Variants in SCN10A observed in about 807,000 individuals in gnomAD.
The protein encoded by SCN10A is sodium channel protein type 10 subunit alpha.
A neutral mutation model predicts 170.7 loss-of-function variants in SCN10A; 162 were observed. The ratio of observed to expected loss-of-function variants is 0.95; its 90% CI spans 0.84 to 1.08. The LOEUF (loss-of-function observed/expected upper bound fraction) is 1.08. SCN10A is among the 50% of genes least tolerant of loss of function. The pLI is 0.00. For synonymous variants in SCN10A, 985 were observed against 904.6 expected (o/e 1.09, Z -1.59); for missense variants, 2,527 against 2,436.9 (o/e 1.04, Z -0.78).
chr3:38,739,536 A>G lies in SCN10A; in HGVS notation c.2259T>C (p.Ser753=), dbSNP rs1279363773. ...TTACCAAGCGGAAGCTCCGCAGCAC[A>G]GACAGGCTTCCCTTCTTGGCCACGC... ...ELGVAKKGSL[S]VLRSFRLLRV... is the part of the protein sequence containing the mutation. The change falls in exon 15 of 28, where the codon TCT becomes TCC. Residue 753 remains serine (S), a synonymous_variant. Coordinates refer to ENST00000449082, the MANE Select transcript of SCN10A (RefSeq NM_006514.4). 1 of 1,613,984 alleles carries G rather than the reference A, an allele frequency of 6.2e-7. No homozygotes were observed. The highest frequency in any genetic ancestry group is 8.5e-7 in the Non-Finnish European group (1 of 1,180,010).
At chr3:38,765,600 T>G (rs1274189101) in intron 5 of SCN10A, among the ~76,000 whole-genome samples, 1 of 152,178 alleles carries the variant, frequency 6.6e-6, no homozygotes. Context: ...ATCATGCTGT[T>G]TTGGTACAGG....
At chr3:38,792,339 G>T (rs900490466) in intron 2 of SCN10A, among the ~76,000 whole-genome samples, 171 bp from the exon 3 acceptor site, 1 of 152,048 alleles carries the variant, frequency 6.6e-6, no homozygotes, top group Non-Finnish European at 1.5e-5. Context: ...GAGGATCAAG[G>T]ACTAAAAGCC....
intron 8 of SCN10A, among the ~76,000 whole-genome samples, chr3:38,759,683 C>T (rs1001922908): frequency 1.2e-4 from 18 of 152,164 alleles, no homozygotes; most frequent in African/African-American, 1.9e-4. Context: ...CCAATGTTTA[C>T]GGTTGGGAGA....
chr3:38,715,485 C>T (rs2063325588), intron 21 of SCN10A, among the ~76,000 whole-genome samples: 1 of 152,232 alleles, frequency 6.6e-6, no homozygotes, highest in Admixed American at 6.5e-5. Context: ...GTCATATGGT[C>T]ACAACCTACT....
At chr3:38,792,559 T>C (rs2064296776) in intron 2 of SCN10A, among the ~76,000 whole-genome samples, 1 of 152,244 alleles carries the variant, frequency 6.6e-6, no homozygotes, top group African/African-American at 2.4e-5. Flanking sequence ...TTTGTAATGT[T>C]TCTTCTGTCT....
chr3:38,762,590 A>G (rs1404851172), intron 6 of SCN10A, among the ~76,000 whole-genome samples: 1 of 152,038 alleles, frequency 6.6e-6, no homozygotes. Flanking sequence ...GAGGTGAGAG[A>G]TGAGGCAGAA....
chr3:38,760,850 C>A lies in SCN10A; in HGVS notation c.884-103G>T, dbSNP rs562539996. The A allele has an allele frequency of 4.2e-6, 4 of 943,396 alleles. No homozygotes were observed. The African/African-American group carries it at 6.5e-5, about 15-fold the overall frequency. The allele number at this position is 943,396 out of a possible 1,614,324, so 58.4% of individuals were successfully genotyped here. The stretch of plus-strand genomic sequence containing the variant: ...TTCCCAAGTCTTCCAAAGTGAGCTC[C>A]TTTGGCTACATGTACTCAGTGGGCA... On this transcript the variant is annotated intron_variant, in intron 7 of 27. Coordinates refer to ENST00000449082, the MANE Select transcript of SCN10A (RefSeq NM_006514.4).
intron 12 of SCN10A, 104 bp from the exon 13 acceptor site, chr3:38,750,288 TG>T (rs1479158657): frequency 3.2e-6 from 2 of 622,016 alleles, no homozygotes; most frequent in East Asian, 5.6e-5. Context: ...TATAGTCATA[TG>T]TCACTTACAG....
chr3:38,755,722 C>T lies in SCN10A; in HGVS notation c.1461+66G>A. ...TCTCTGCCACACACCTCTTCCCACT[C>T]CAACTCATTGTCTACGGCAGCTGCA... is the stretch of plus-strand genomic sequence containing the variant. On this transcript the variant is annotated intron_variant, in intron 11 of 27. Coordinates refer to ENST00000449082, the MANE Select transcript of SCN10A (RefSeq NM_006514.4). 2.5e-6 allele frequency: 4 copies of T among 1,584,918 alleles called. No homozygotes were observed. The South Asian group carries it at 4.4e-5, about 18-fold the overall frequency.
Position 38,776,379 on chromosome 3 carries a change from G to A in SCN10A, c.471-4972C>T, listed in dbSNP as rs73064534. ...TGTTATGCTTCAGAAAACCACTTTC[G>A]AAGTGATGACTCTTTTTTTTGAATT... is the stretch of plus-strand genomic sequence containing the variant. On this transcript the variant is annotated intron_variant, in intron 4 of 27. Transcript: ENST00000449082. Among the ~76,000 whole-genome samples the A allele has an allele frequency of 2.7e-3, 412 of 151,978 alleles. 1 individual carries two copies. The highest frequency in any genetic ancestry group is 3.1e-3 in the Non-Finnish European group (209 of 67,878).
At chr3:38,796,453 T>A (rs2064342215) in intron 1 of SCN10A, among the ~76,000 whole-genome samples, 1 of 152,154 alleles carries the variant, frequency 6.6e-6, no homozygotes, top group South Asian at 2.1e-4. Flanking sequence ...AGTGGCCAAA[T>A]GATATTTCTA....
chr3:38,740,696 G>A (rs1371351366), intron 14 of SCN10A, among the ~76,000 whole-genome samples: 1 of 152,152 alleles, frequency 6.6e-6, no homozygotes, highest in Non-Finnish European at 1.5e-5. Flanking sequence ...TCATGTGAGG[G>A]TGATGTTAAC....
chr3:38,762,407 G>A (rs2063884433), intron 6 of SCN10A, among the ~76,000 whole-genome samples: 1 of 152,184 alleles, frequency 6.6e-6, no homozygotes, highest in Admixed American at 6.5e-5. Flanking sequence ...GGGAAAACCA[G>A]GGAGGAGGTA....
intron 3 of SCN10A, among the ~76,000 whole-genome samples, chr3:38,791,304 C>T (rs2064277988): frequency 6.6e-6 from 1 of 152,164 alleles, no homozygotes; most frequent in Non-Finnish European, 1.5e-5. Context: ...GGAAACCAAA[C>T]CAAAGTATCT....
chr3:38,726,401 T>A (rs1342222524), intron 17 of SCN10A, among the ~76,000 whole-genome samples: 1 of 152,232 alleles, frequency 6.6e-6, no homozygotes, highest in Non-Finnish European at 1.5e-5. Flanking sequence ...GCTCACCTGC[T>A]GCCCCCCACT....
In SCN10A at chr3:38,742,452, G is replaced by A. The variant is rs747848559; in HGVS notation, c.1945C>T (p.Pro649Ser). 3 of 1,614,024 alleles carry A rather than the reference G, an allele frequency of 1.9e-6. No homozygotes were observed. The African/African-American group carries it at 4.0e-5, about 22-fold the overall frequency. The stretch of plus-strand genomic sequence containing the variant: ...ATTGTCTTGAGCTTCACCCACATGG[G>A]GCAGCAATCCCAGATCAGATACTTC... ...SQKYLIWDCC[P>S]MWVKLKTILF... The change falls in exon 14 of 28, where the codon CCC (proline) becomes TCC (serine). Residue 649 changes from proline (P) to serine (S), a missense_variant. Pro to Ser is a moderately conservative substitution (Grantham distance 74, BLOSUM62 -1). Coordinates refer to ENST00000449082, the MANE Select transcript of SCN10A (RefSeq NM_006514.4).
At chr3:38,746,069 A>G (rs866186031) in intron 13 of SCN10A, among the ~76,000 whole-genome samples, 4,956 of 85,384 alleles carry the variant, frequency 0.058, 361 homozygotes, top group African/African-American at 0.11. Flanking sequence ...ATGTGTATAT[A>G]TATATATATA....
rs116839902 is a variant in SCN10A at position 38,710,188 on chromosome 3, C to T, written c.4144-573G>A. On this transcript the variant is annotated intron_variant, in intron 24 of 27. Coordinates refer to ENST00000449082, the MANE Select transcript of SCN10A (RefSeq NM_006514.4). Reference sequence around the variant, plus strand: ...CTTTTCTTTTTTTTTGAGATTGAGTCTCGCTGTCTCGCCCAAGCTGGAGTG... The same window carrying T: ...CTTTTCTTTTTTTTTGAGATTGAGTTTCGCTGTCTCGCCCAAGCTGGAGTG... Among the ~76,000 whole-genome samples the T allele has an allele frequency of 3.6e-3, 552 of 152,120 alleles. 3 individuals are homozygous for T. Among genetic ancestry groups the T allele is most frequent in the African/African-American group, 0.011 (476 of 41,504 alleles).
At chr3:38,767,385 C>A (rs2063944097) in intron 5 of SCN10A, among the ~76,000 whole-genome samples, 1 of 151,796 alleles carries the variant, frequency 6.6e-6, no homozygotes, top group Admixed American at 6.6e-5. Flanking sequence ...ATGCTATGAG[C>A]TTTCCTCTTA....
Sources: gnomAD v4.1 joint callset for allele counts (sites outside exome capture counted in the v4.1 genomes callset) on GRCh38, gnomAD v4.1.1 for gene constraint, MANE v1.5 for transcripts, NCBI Gene and HGNC (gene_info 2026-07-23, HGNC 2026-07-21) for gene names.